The following ABCA9 variants were observed in gnomAD, a reference collection of about 807,000 sequenced individuals.
ABCA9 encodes ATP binding cassette subfamily A member 9, also known as ATP-binding cassette sub-family A member 9.
Under a neutral mutation model 205.3 loss-of-function variants are expected in ABCA9, and 183 were observed. The observed-to-expected ratio is 0.89, with a 90% CI of 0.79 to 1.01. ABCA9 has a LOEUF of 1.01. Ranked by LOEUF, ABCA9 falls within the 50% of genes least tolerant of loss-of-function variation. The pLI is 0.00. For synonymous variants in ABCA9, 651 were observed against 683.3 expected, an observed-to-expected ratio of 0.95 and a Z score of 0.74; for missense variants, 1,805 against 1,912.4, an observed-to-expected ratio of 0.94 and a Z score of 1.05.
Position 68,993,077 on chromosome 17 carries a change from G to A in ABCA9, c.3563C>T (p.Pro1188Leu). ...GSLFIFSEIS[P>L]DSMDYLGASE... is the part of the protein sequence containing the mutation. ...AGCTCCTAAGTAATCCATGGAATCAGGAGAAATCTGTAAAATGAGCAGTAA... is the reference window on the plus strand; with the variant it reads ...AGCTCCTAAGTAATCCATGGAATCAAGAGAAATCTGTAAAATGAGCAGTAA... Residue 1188 changes from proline (P) to leucine (L), a missense_variant, in exon 27 of 39, where the codon CCT becomes CTT. Pro to Leu is a moderately conservative substitution (Grantham distance 98). Coordinates refer to ENST00000340001, the MANE Select transcript of ABCA9 (RefSeq NM_080283.4). 1 of 1,613,074 alleles carries A rather than the reference G, an allele frequency of 6.2e-7. No homozygotes were observed. The highest frequency in any genetic ancestry group is 8.5e-7 in the Non-Finnish European group (1 of 1,179,220).
intron 37 of ABCA9, among the ~76,000 whole-genome samples, chr17:68,980,655 A>G (rs1207777548): frequency 3.3e-5 from 5 of 151,384 alleles, no homozygotes; most frequent in African/African-American, 1.2e-4. Flanking sequence ...GAAGCTGGAA[A>G]CCATCATTCT....
rs556923180 is a variant in ABCA9, at chr17:69,005,111, C to G, written c.3435+2648G>C. 3.9e-5 allele frequency among the ~76,000 whole-genome samples: 6 copies of G among 152,144 alleles called. No individual in the cohort carries two copies. In the South Asian group the frequency reaches 8.3e-4, roughly 21 times the overall value. ...GTCGCTCAGGCTGGGAGCTGTAGACCGGAGCTGTTCCTATTCGGCCATCTT... is the reference window on the plus strand; with the variant it reads ...GTCGCTCAGGCTGGGAGCTGTAGACGGGAGCTGTTCCTATTCGGCCATCTT... On this transcript the variant is annotated intron_variant, in intron 25 of 38. Coordinates refer to ENST00000340001, the MANE Select transcript of ABCA9 (RefSeq NM_080283.4).
At chr17:69,025,962 T>G (rs774117675) in intron 16 of ABCA9, among the ~76,000 whole-genome samples, 11 of 151,976 alleles carry the variant, frequency 7.2e-5, no homozygotes, top group African/African-American at 2.7e-4. Flanking sequence ...TACTCAGTAA[T>G]GATAATAATT....
chr17:69,070,448 A>G, the ABCA9 span, among the ~76,000 whole-genome samples: 5 of 152,100 alleles, frequency 3.3e-5, no homozygotes, highest in Non-Finnish European at 7.4e-5. Context: ...GAGGGGGAGC[A>G]GAAGCAGGGT....
chr17:69,037,232 A>C (rs1018669939), intron 6 of ABCA9, among the ~76,000 whole-genome samples: 1 of 152,170 alleles, frequency 6.6e-6, no homozygotes, highest in African/African-American at 2.4e-5. Flanking sequence ...ACATCTACAG[A>C]ACTCTCCACC....
chr17:69,025,574 T>C (rs532308656), intron 16 of ABCA9, among the ~76,000 whole-genome samples: 4 of 152,072 alleles, frequency 2.6e-5, no homozygotes, highest in Non-Finnish European at 5.9e-5. Flanking sequence ...GATTGGTAGA[T>C]TTGTAACAAG....
intron 15 of ABCA9, 28 bp from the exon 16 acceptor site, chr17:69,026,495 T>C: frequency 3.9e-6 from 6 of 1,549,218 alleles, no homozygotes; most frequent in Non-Finnish European, 3.6e-6. Context: ...AAAGATAAGT[T>C]ACATGAAGGA....
At position 69,011,991 on chromosome 17, in the gene ABCA9, G is replaced by A. The variant is rs377657538; in HGVS notation, c.3132C>T (p.Ser1044=). The change falls in exon 23 of 39, where the codon AGC becomes AGT. Residue 1044 remains serine, a synonymous_variant. Transcript: ENST00000340001. ...ASFTPYIAMS[S]IGDYKKKAHS... Reference sequence around the variant, plus strand: ...CTCTTCTTACTTTGTAGTCACCAATGCTGCTCATTGCAATGTATGGAGTGA... The same window carrying A: ...CTCTTCTTACTTTGTAGTCACCAATACTGCTCATTGCAATGTATGGAGTGA... 8.5e-5 allele frequency: 137 copies of A among 1,611,462 alleles called. No homozygotes were observed. Among genetic ancestry groups the A allele is most frequent in the Non-Finnish European group, 1.1e-4 (131 of 1,178,796 alleles).
At chr17:68,987,346 GAGAA>G (rs2069270392) in intron 31 of ABCA9, among the ~76,000 whole-genome samples, 1 of 152,166 alleles carries the variant, frequency 6.6e-6, no homozygotes, top group African/African-American at 2.4e-5. Context: ...TTTCATTTTG[GAGAA>G]AGAAACATAA....
chr17:68,989,663 A>G, intron 30 of ABCA9, 150 bp downstream of exon 30: 1 of 551,008 alleles, frequency 1.8e-6, no homozygotes, highest in East Asian at 3.0e-5. Flanking sequence ...AAAGGTCGTT[A>G]TCATTTCAAC....
chr17:68,976,070 C>G, intron 38 of ABCA9, 57 bp from the exon 39 acceptor site: 1 of 1,603,572 alleles, frequency 6.2e-7, no homozygotes, highest in Admixed American at 1.7e-5. Flanking sequence ...CCTCCTGCAG[C>G]TCCAGGCGAA....
chr17:69,061,297 G>C (rs1421112169), upstream of ABCA9: 1 of 254,236 alleles, frequency 3.9e-6, no homozygotes, highest in Non-Finnish European at 6.2e-6. Context: ...CCAGAGAAGA[G>C]TAGAGCAGAA....
At chr17:68,982,155 T>C (rs1430776255) in intron 37 of ABCA9, among the ~76,000 whole-genome samples, 1 of 152,242 alleles carries the variant, frequency 6.6e-6, no homozygotes, top group Admixed American at 6.5e-5. Context: ...TTTCTGTTTG[T>C]ATGAGTTTGT....
At chr17:69,053,633 TGAAAA>T (rs1263237295) in intron 1 of ABCA9, among the ~76,000 whole-genome samples, 1 of 151,772 alleles carries the variant, frequency 6.6e-6, no homozygotes, top group East Asian at 1.9e-4. Flanking sequence ...CAAAACTTTT[TGAAAA>T]GAAAACAAAA....
the ABCA9 span, among the ~76,000 whole-genome samples, chr17:69,077,296 A>G: frequency 6.6e-6 from 1 of 152,070 alleles, no homozygotes; most frequent in Non-Finnish European, 1.5e-5. Context: ...AAGTTTTTAA[A>G]TTTCCATGTA....
chr17:69,026,937 A>G (rs757386391), intron 15 of ABCA9, 39 bp downstream of exon 15: 1 of 1,608,422 alleles, frequency 6.2e-7, no homozygotes, highest in South Asian at 1.1e-5. Context: ...CACTGTCTCT[A>G]ACCTCTCATG....
intron 23 of ABCA9, among the ~76,000 whole-genome samples, chr17:69,011,298 A>G (rs2070363016): frequency 6.6e-6 from 1 of 152,158 alleles, no homozygotes; most frequent in South Asian, 2.1e-4. Context: ...TGTGAGAAAG[A>G]GTGACAAGAG....
chr17:68,990,705 G>A, intron 29 of ABCA9, 132 bp downstream of exon 29: 1 of 1,096,338 alleles, frequency 9.1e-7, no homozygotes, highest in Non-Finnish European at 1.3e-6. Flanking sequence ...CATACCTGCT[G>A]AAGTCAAGTA....
In ABCA9 at chr17:69,008,245, A is replaced by G. The variant is rs147070103; in HGVS notation, c.3148-10T>C. On this transcript the variant is annotated splice_polypyrimidine_tract_variant and intron_variant, in intron 23 of 38. Transcript: ENST00000340001. ...GGGAATGAGCTTTTTTCTGATAAAG[A>G]AATAGAAGAATCATCAAAAGGTTCT... is the stretch of plus-strand genomic sequence containing the variant. 1,978 of 1,610,814 alleles carry G rather than the reference A, an allele frequency of 1.2e-3. 27 individuals carry two copies. In the African/African-American group the frequency reaches 0.023, roughly 19 times the overall value.
Sources: gnomAD v4.1 joint callset for allele counts (sites outside exome capture counted in the v4.1 genomes callset) on GRCh38, gnomAD v4.1.1 for gene constraint, MANE v1.5 for transcripts, NCBI Gene and HGNC (gene_info 2026-07-23, HGNC 2026-07-21) for gene names.